PHF6: variants seen among roughly 807,000 people sequenced by gnomAD.
PHF6 encodes the protein PHD finger protein 6, also known as PHD-like zinc finger protein.
PHF6 carries 7 observed loss-of-function variants against 34.0 expected under a neutral mutation model. The observed-to-expected ratio is 0.21, with a 90% CI of 0.12 to 0.39. The LOEUF (loss-of-function observed/expected upper bound fraction) is 0.39. Ranked by LOEUF, PHF6 falls within the 10% of genes least tolerant of loss-of-function variation. The pLI, the probability that PHF6 is intolerant of heterozygous loss-of-function variation, is 1.00. For missense variants in PHF6, 128 were observed against 262.8 expected, an observed-to-expected ratio of 0.49 and a Z score of 3.55; for synonymous variants, 89 against 88.4, an observed-to-expected ratio of 1.01 and a Z score of -0.04.
Position 134,426,902 on chromosome X carries a change from G to A in PHF6, c.*1242G>A, listed in dbSNP as rs1004982978. The A allele has an allele frequency of 3.1e-5, 5 of 163,609 alleles. No homozygotes were observed. The highest frequency in any genetic ancestry group is 8.2e-5 in the Admixed American group (1 of 12,255). 13.5% of individuals were successfully genotyped at this position (163,609 alleles called of 1,213,427 possible). Reference sequence around the variant, plus strand: ...CCATAGCACCTCAGTACCAAGGGGAGGGATTTTGACTAGTTGAATTATTAA... The same window carrying A: ...CCATAGCACCTCAGTACCAAGGGGAAGGATTTTGACTAGTTGAATTATTAA... On this transcript the variant is annotated 3_prime_UTR_variant, in exon 11 of 11. Coordinates refer to ENST00000370803, the MANE Select transcript of PHF6 (RefSeq NM_001015877.2).
Position 134,386,055 on chromosome X carries a change from A to G in PHF6, c.241-7446A>G, listed in dbSNP as rs781076884. ...TAATTATGAGAAGTCAGAAGGCTCC[A>G]TAGAAAACGAGAGTTGAAATGTGTT... On this transcript the variant is annotated intron_variant, in intron 3 of 10. Transcript: ENST00000370803. Among the ~76,000 whole-genome samples the G allele has an allele frequency of 7.1e-5, 8 of 112,102 alleles. No homozygotes were observed. In the South Asian group the frequency reaches 3.0e-3, roughly 42 times the overall value.
At chrX:134,425,105 G>T in intron 9 of PHF6, 96 bp from the exon 10 acceptor site, 2 of 1,061,504 alleles carry the variant, frequency 1.9e-6, no homozygotes, top group Non-Finnish European at 2.6e-6. Flanking sequence ...GGAAACCCAT[G>T]TTTTAAATGG....
intron 3 of PHF6, among the ~76,000 whole-genome samples, chrX:134,379,356 C>A (rs1342673822): frequency 9.4e-6 from 1 of 106,682 alleles, no homozygotes. Flanking sequence ...AAATGTTTAT[C>A]TTCCCCATCC....
At chrX:134,379,758 T>C (rs1244865369) in intron 3 of PHF6, among the ~76,000 whole-genome samples, 1 of 111,515 alleles carries the variant, frequency 9.0e-6, no homozygotes, top group Non-Finnish European at 1.9e-5. Context: ...GCCCTGTTTT[T>C]CAAATGTGGA....
intron 5 of PHF6, among the ~76,000 whole-genome samples, chrX:134,396,443 A>G (rs1300798913): frequency 9.0e-6 from 1 of 111,694 alleles, no homozygotes; most frequent in South Asian, 3.7e-4. Flanking sequence ...AATTTTGGCC[A>G]TGTTTTAGCA....
chrX:134,418,326 G>A (rs931291541), intron 9 of PHF6: 1 of 111,818 alleles, frequency 8.9e-6, no homozygotes, highest in South Asian at 3.7e-4. Flanking sequence ...TTTGGGATTG[G>A]GGGTCACCCT....
intron 1 of PHF6, among the ~76,000 whole-genome samples, chrX:134,375,859 T>C (rs1397320887): frequency 8.9e-6 from 1 of 111,924 alleles, no homozygotes; most frequent in East Asian, 2.8e-4. Context: ...CACACTTCCC[T>C]TTTGTTTCTT....
intron 3 of PHF6, among the ~76,000 whole-genome samples, chrX:134,380,132 AT>A (rs2077300198): frequency 9.4e-6 from 1 of 106,657 alleles, no homozygotes; most frequent in Non-Finnish European, 1.9e-5. Context: ...TTCAGTGGAG[AT>A]TTAATTTATT....
chrX:134,403,718 G>C lies in PHF6; in HGVS notation c.418+9766G>C, dbSNP rs372898803. ...AGCTTCAAAAGACAGTCTGAGTCTT[G>C]TTAGGGGCTAATGCAGCTGGTGATT... is the stretch of plus-strand genomic sequence containing the variant. On this transcript the variant is annotated intron_variant, in intron 5 of 10. Coordinates refer to ENST00000370803, the MANE Select transcript of PHF6 (RefSeq NM_001015877.2). Among the ~76,000 whole-genome samples, 36 of 112,001 alleles carry C rather than the reference G, an allele frequency of 3.2e-4. No homozygotes were observed. In the East Asian group the frequency reaches 3.4e-3, roughly 10 times the overall value.
intron 5 of PHF6, among the ~76,000 whole-genome samples, chrX:134,398,344 C>T (rs1602704291): frequency 8.9e-6 from 1 of 111,994 alleles, no homozygotes; most frequent in Non-Finnish European, 1.9e-5. Flanking sequence ...GAGCTACAAT[C>T]ATGCCACTGC....
intron 5 of PHF6, among the ~76,000 whole-genome samples, chrX:134,408,186 C>T (rs2077433607): frequency 8.9e-6 from 1 of 112,274 alleles, no homozygotes; most frequent in African/African-American, 3.2e-5. Flanking sequence ...CCTTGGCCTC[C>T]CAAAGTGCTG....
intron 9 of PHF6, chrX:134,419,471 GA>G (rs1290516284): frequency 2.7e-5 from 3 of 111,970 alleles, no homozygotes; most frequent in African/African-American, 9.7e-5. Context: ...TATAGATGGT[GA>G]AAAGACATTT....
At chrX:134,403,182 C>G (rs1235070462) in intron 5 of PHF6, among the ~76,000 whole-genome samples, 1 of 112,401 alleles carries the variant, frequency 8.9e-6, no homozygotes, top group Admixed American at 9.5e-5. Flanking sequence ...AGGCCAAAAG[C>G]TAGGCCTCTT....
intron 3 of PHF6, among the ~76,000 whole-genome samples, chrX:134,382,770 G>A (rs1319404667): frequency 9.2e-6 from 1 of 109,238 alleles, no homozygotes; most frequent in Non-Finnish European, 1.9e-5. Flanking sequence ...GGTTTACCAC[G>A]TTGGCCAGGC....
chrX:134,393,754 G>A, intron 4 of PHF6, 120 bp downstream of exon 4: 1 of 827,597 alleles, frequency 1.2e-6, no homozygotes, highest in Non-Finnish European at 1.7e-6. Context: ...TTTTTGATAA[G>A]AAATTTAATA....
At chrX:134,379,631 G>A (rs1002995707) in intron 3 of PHF6, among the ~76,000 whole-genome samples, 3 of 108,537 alleles carry the variant, frequency 2.8e-5, no homozygotes, top group African/African-American at 6.7e-5. Context: ...TAGTAGACAC[G>A]GTGTTTCACC....
chrX:134,383,517 C>T (rs1391293014), intron 3 of PHF6, among the ~76,000 whole-genome samples: 1 of 111,234 alleles, frequency 9.0e-6, no homozygotes, highest in Non-Finnish European at 1.9e-5. Context: ...TTTTTTCACA[C>T]TAAATTTTAC....
chrX:134,385,958 A>G (rs1436356310), intron 3 of PHF6, among the ~76,000 whole-genome samples: 1 of 111,910 alleles, frequency 8.9e-6, no homozygotes, highest in Non-Finnish European at 1.9e-5. Context: ...GAATGTAAAC[A>G]TGAATAAATA....
chrX:134,428,221 TTAG>T lies in PHF6; in HGVS notation c.*2565_*2567del, dbSNP rs1313933059. On this transcript the variant is annotated 3_prime_UTR_variant, in exon 11 of 11. Coordinates refer to ENST00000370803, the MANE Select transcript of PHF6 (RefSeq NM_001015877.2). Reference sequence around the variant, plus strand: ...AGCATTTATTGCCTTACCAGAAATGTTAGTAGGAAATGTTCTTTAGAGTAGAAA... The same window carrying T: ...AGCATTTATTGCCTTACCAGAAATGTTAGGAAATGTTCTTTAGAGTAGAAA... 2 of 148,402 alleles carry T rather than the reference TTAG, an allele frequency of 1.3e-5. No individual in the cohort carries two copies. The highest frequency in any genetic ancestry group is 2.6e-5 in the Non-Finnish European group (2 of 76,791). 12.2% of individuals were successfully genotyped at this position (148,402 alleles called of 1,213,427 possible). A position where few individuals can be genotyped will look rare whatever the true frequency, so the allele number is the denominator to read the frequency against.
Sources: allele counts gnomAD v4.1 joint callset (sites outside exome capture counted in the v4.1 genomes callset), GRCh38; gene constraint gnomAD v4.1.1; transcripts MANE v1.5; gene names NCBI Gene and HGNC (gene_info 2026-07-23, HGNC 2026-07-21).